TRDN: variants seen among roughly 807,000 people sequenced by gnomAD.
TRDN encodes the protein triadin.
In TRDN, 161 loss-of-function variants were observed where a neutral mutation model predicts 149.7. That is an observed-to-expected ratio of 1.08 (90% CI 0.95 to 1.23). The LOEUF (loss-of-function observed/expected upper bound fraction) is 1.23. Ranked by LOEUF, TRDN falls within the 50% of genes most tolerant of loss-of-function variation. TRDN has a pLI of 0.00. For missense variants in TRDN, 896 were observed against 823.5 expected (o/e 1.09, Z -1.08); for synonymous variants, 294 against 250.5 (o/e 1.17, Z -1.64).
At chr6:123,473,673 A>G (rs1260453490) in intron 9 of TRDN, among the ~76,000 whole-genome samples, 1 of 151,276 alleles carries the variant, frequency 6.6e-6, no homozygotes, top group Admixed American at 6.6e-5. Context: ...TGAAGGAAAA[A>G]ATGTTAAGGG....
intron 1 of TRDN, among the ~76,000 whole-genome samples, chr6:123,617,920 T>C (rs1238672313): frequency 1.3e-5 from 2 of 152,040 alleles, no homozygotes; most frequent in African/African-American, 4.8e-5. Flanking sequence ...GTATTTTTAG[T>C]AGAGATGGGT....
At chr6:123,492,726 G>A (rs1294968049) in intron 9 of TRDN, among the ~76,000 whole-genome samples, 4 of 152,084 alleles carry the variant, frequency 2.6e-5, no homozygotes, top group Non-Finnish European at 4.4e-5. Context: ...TTGACCATCC[G>A]TACTATCAAT....
In TRDN at chr6:123,529,347, A is replaced by G. The variant is rs1227110614; in HGVS notation, c.484+1159T>C. ...AAAGGAAAGAGAACAGTAAGGAGAC[A>G]TTAGTTTCCTAAGTACAAATATAAA... On this transcript the variant is annotated intron_variant, in intron 5 of 40. Transcript: ENST00000334268. The G allele has an allele frequency of 4.5e-6, 7 of 1,548,138 alleles. No homozygotes were observed. The South Asian group carries it at 7.1e-5, about 16-fold the overall frequency.
chr6:123,262,443 T>G (rs958101229), intron 33 of TRDN, among the ~76,000 whole-genome samples: 1 of 152,054 alleles, frequency 6.6e-6, no homozygotes, highest in Non-Finnish European at 1.5e-5. Flanking sequence ...TCATGGTAAA[T>G]GTGTTAGCAA....
At chr6:123,278,294 T>C in intron 26 of TRDN, 24 bp downstream of exon 26, 1 of 1,263,096 alleles carries the variant, frequency 7.9e-7, no homozygotes, top group South Asian at 1.4e-5. Flanking sequence ...AAATCATATA[T>C]GTGTATAAAT....
intron 16 of TRDN, 147 bp downstream of exon 16, chr6:123,381,223 A>AT: frequency 1.4e-6 from 1 of 716,720 alleles, no homozygotes; most frequent in Non-Finnish European, 2.3e-6. Flanking sequence ...CAGACTGTGT[A>AT]TTTTTTCACT....
intron 20 of TRDN, among the ~76,000 whole-genome samples, chr6:123,364,376 C>T (rs915966097): frequency 6.6e-6 from 1 of 152,148 alleles, no homozygotes; most frequent in South Asian, 2.1e-4. Flanking sequence ...TGGTGGCTCA[C>T]GCCTGTAATT....
At chr6:123,331,971 G>A (rs753394756) in intron 22 of TRDN, 42 bp from the exon 23 acceptor site, 1 of 1,423,152 alleles carries the variant, frequency 7.0e-7, no homozygotes, top group South Asian at 1.3e-5. Context: ...CCAAGACAAA[G>A]AGATTTTCAG....
intron 24 of TRDN, among the ~76,000 whole-genome samples, chr6:123,293,799 C>T (rs1562249024): frequency 6.9e-6 from 1 of 145,756 alleles, no homozygotes; most frequent in Admixed American, 6.8e-5. Context: ...GTAGCTTTCC[C>T]CTGTACATCA....
chr6:123,402,310 T>A (rs1301684762), intron 12 of TRDN, among the ~76,000 whole-genome samples: 1 of 152,170 alleles, frequency 6.6e-6, no homozygotes, highest in Admixed American at 6.5e-5. Context: ...TCAGACCACG[T>A]CCAAATAAGG....
chr6:123,636,735 C>G lies in TRDN; in HGVS notation c.22+19G>C. 6.2e-7 allele frequency: 1 copy of G among 1,610,692 alleles called. No individual in the cohort carries two copies. ...ATTTTTTTTCCTTACTTGATACTAT[C>G]GGAAAATGGTAGCAATACCTTCAGC... On this transcript the variant is annotated intron_variant, in intron 1 of 40. Coordinates refer to ENST00000334268, the MANE Select transcript of TRDN (RefSeq NM_006073.4).
intron 10 of TRDN, among the ~76,000 whole-genome samples, chr6:123,442,529 G>C (rs1291423335): frequency 3.9e-5 from 5 of 129,626 alleles, no homozygotes; most frequent in Admixed American, 2.7e-4. Flanking sequence ...CTGGGCCACA[G>C]AGCGAGACTC....
At chr6:123,507,056 G>A (rs942584807) in intron 7 of TRDN, among the ~76,000 whole-genome samples, 49 of 152,166 alleles carry the variant, frequency 3.2e-4, no homozygotes, top group African/African-American at 1.2e-3. Context: ...GATGGAGAGA[G>A]TAAATATTCC....
intron 9 of TRDN, among the ~76,000 whole-genome samples, chr6:123,472,881 G>T (rs1468090373): frequency 6.6e-6 from 1 of 152,106 alleles, no homozygotes. Flanking sequence ...GCAGCTGAGG[G>T]TCCTGTCTGT....
chr6:123,530,502 T>G lies in TRDN; in HGVS notation c.484+4A>C. 8.1e-7 allele frequency: 1 copy of G among 1,240,150 alleles called. No homozygotes were observed. Among genetic ancestry groups the G allele is most frequent in the Non-Finnish European group, 1.1e-6 (1 of 927,956 alleles). The allele number at this position is 1,240,150 out of a possible 1,614,324, so 76.8% of individuals were successfully genotyped here. ...GAAGAATAAACATAAAATGAAATGT[T>G]TACCTTTAGTTTGTATTTTCCTTTC... On this transcript the variant is annotated splice_donor_region_variant and intron_variant, in intron 5 of 40. Transcript: ENST00000334268.
At chr6:123,516,281 G>T (rs1383822197) in intron 5 of TRDN, 75 bp from the exon 6 acceptor site, 3 of 1,314,596 alleles carry the variant, frequency 2.3e-6, no homozygotes, top group Non-Finnish European at 2.9e-6. Flanking sequence ...GGCAGTCTTT[G>T]ATGTCAAAAT....
chr6:123,264,635 G>A (rs1443230966), intron 33 of TRDN, among the ~76,000 whole-genome samples: 2 of 150,952 alleles, frequency 1.3e-5, no homozygotes, highest in Non-Finnish European at 2.9e-5. Context: ...CGAGTAAAAT[G>A]CTGTCAAATA....
intron 10 of TRDN, among the ~76,000 whole-genome samples, chr6:123,452,550 C>T (rs191341693): frequency 1.3e-5 from 2 of 151,792 alleles, no homozygotes; most frequent in African/African-American, 4.8e-5. Flanking sequence ...ACCAAGGAGT[C>T]GAAAGACCTC....
chr6:123,337,581 A>G lies in TRDN; in HGVS notation c.1420+38T>C, dbSNP rs1443966680. On this transcript the variant is annotated intron_variant, in intron 22 of 40. Transcript: ENST00000334268. The stretch of plus-strand genomic sequence containing the variant: ...GTGTTCTCAATAATATATATTTCCT[A>G]ATAAATTTGTAATATTATATTAAAT... The G allele has an allele frequency of 2.9e-6, 3 of 1,046,828 alleles. No homozygotes were observed. In the South Asian group the frequency reaches 5.5e-5, roughly 19 times the overall value. 64.8% of individuals were successfully genotyped at this position (1,046,828 alleles called of 1,614,324 possible).
Sources: allele counts gnomAD v4.1 joint callset (sites outside exome capture counted in the v4.1 genomes callset), GRCh38; gene constraint gnomAD v4.1.1; transcripts MANE v1.5; gene names NCBI Gene and HGNC (gene_info 2026-07-23, HGNC 2026-07-21).